PCDH9: variants seen among roughly 807,000 people sequenced by gnomAD.
PCDH9 encodes the protein protocadherin 9, also known as protocadherin-9.
In PCDH9, 24 loss-of-function variants were observed where a neutral mutation model predicts 70.6. The observed-to-expected ratio is 0.34, with a 90% CI of 0.25 to 0.48. The LOEUF (loss-of-function observed/expected upper bound fraction) is 0.48. Among genes scored for constraint, PCDH9 ranks in the 20% least tolerant of loss-of-function variants. The probability of loss-of-function intolerance (pLI) is 0.99; values close to 1 mark genes in which losing one functional copy is unlikely to be tolerated. For missense variants in PCDH9, 1,281 were observed against 1,503.6 expected (o/e 0.85, Z 2.45); for synonymous variants, 562 against 558.5 (o/e 1.01, Z -0.09).
chr13:66,945,591 T>C (rs2083075378), intron 2 of PCDH9, among the ~76,000 whole-genome samples: 1 of 152,192 alleles, frequency 6.6e-6, no homozygotes, highest in Admixed American at 6.6e-5. Flanking sequence ...AATGTAACCA[T>C]GTTCTATGTA....
intron 4 of PCDH9, among the ~76,000 whole-genome samples, chr13:66,425,832 T>C (rs897588038): frequency 4.6e-5 from 7 of 151,688 alleles, no homozygotes; most frequent in South Asian, 2.1e-4. Flanking sequence ...GTTTACCAGA[T>C]TGGGGACAAA....
intron 3 of PCDH9, among the ~76,000 whole-genome samples, chr13:66,652,610 C>T (rs1442168873): frequency 2.0e-5 from 3 of 151,486 alleles, no homozygotes; most frequent in Non-Finnish European, 4.4e-5. Flanking sequence ...CAATGATATT[C>T]TTCACAAAAA....
At chr13:66,715,839 A>G (rs1315388302) in intron 3 of PCDH9, among the ~76,000 whole-genome samples, 1 of 152,244 alleles carries the variant, frequency 6.6e-6, no homozygotes, top group Non-Finnish European at 1.5e-5. Context: ...CTTAAAGAAA[A>G]GCTCAATTTC....
chr13:67,081,348 C>A lies in PCDH9; in HGVS notation c.3036+144057G>T, dbSNP rs143431619. Reference sequence around the variant, plus strand: ...CTTTGTGAGGCCCAGGCAGATGGATCACCTGAGGTCAAGAGCTCGAGACCA... The same window carrying A: ...CTTTGTGAGGCCCAGGCAGATGGATAACCTGAGGTCAAGAGCTCGAGACCA... On this transcript the variant is annotated intron_variant, in intron 2 of 4. Transcript: ENST00000377865. Among the ~76,000 whole-genome samples, 4 of 152,266 alleles carry A rather than the reference C, an allele frequency of 2.6e-5. No homozygotes were observed. In the East Asian group the frequency reaches 7.7e-4, roughly 29 times the overall value.
intron 2 of PCDH9, among the ~76,000 whole-genome samples, chr13:67,109,685 T>G (rs909392596): frequency 2.6e-5 from 4 of 152,184 alleles, no homozygotes; most frequent in Non-Finnish European, 4.4e-5. Flanking sequence ...TAAGACTAAA[T>G]CGATTTTCAA....
intron 2 of PCDH9, among the ~76,000 whole-genome samples, chr13:67,029,028 C>T (rs907499301): frequency 6.6e-6 from 1 of 152,044 alleles, no homozygotes; most frequent in African/African-American, 2.4e-5. Flanking sequence ...ATTTCCCTAA[C>T]TTTATTTAAT....
chr13:66,532,055 C>G (rs1187500876), intron 4 of PCDH9, among the ~76,000 whole-genome samples: 1 of 152,122 alleles, frequency 6.6e-6, no homozygotes, highest in Non-Finnish European at 1.5e-5. Context: ...GGCACAAGCA[C>G]AGCTCATGGC....
At chr13:67,167,945 A>C (rs2138435647) in intron 2 of PCDH9, among the ~76,000 whole-genome samples, 1 of 152,338 alleles carries the variant, frequency 6.6e-6, no homozygotes, top group East Asian at 1.9e-4. Context: ...AGGGAAAAGG[A>C]AACAGAACTG....
intron 2 of PCDH9, among the ~76,000 whole-genome samples, chr13:66,918,795 G>T (rs981490009): frequency 7.3e-5 from 11 of 151,074 alleles, no homozygotes; most frequent in Non-Finnish European, 1.3e-4. Flanking sequence ...GATATTTTTT[G>T]ATCATGGCAA....
At chr13:66,516,840 C>G (rs1328585272) in intron 4 of PCDH9, among the ~76,000 whole-genome samples, 1 of 152,012 alleles carries the variant, frequency 6.6e-6, no homozygotes, top group East Asian at 1.9e-4. Context: ...ACCTTTAGAA[C>G]CTATCTCAAT....
intron 4 of PCDH9, among the ~76,000 whole-genome samples, chr13:66,339,346 T>C (rs567495420): frequency 9.9e-5 from 15 of 152,162 alleles, no homozygotes; most frequent in Non-Finnish European, 1.8e-4. Flanking sequence ...CCCTTTCTCT[T>C]CTCAGCATAA....
intron 4 of PCDH9, among the ~76,000 whole-genome samples, chr13:66,356,811 G>A (rs1414249373): frequency 1.3e-5 from 2 of 151,926 alleles, no homozygotes; most frequent in South Asian, 2.1e-4. Flanking sequence ...CTTTTTGCAT[G>A]AATTAATATC....
chr13:66,487,631 T>C (rs1043573170), intron 4 of PCDH9, among the ~76,000 whole-genome samples: 1 of 152,130 alleles, frequency 6.6e-6, no homozygotes, highest in Non-Finnish European at 1.5e-5. Flanking sequence ...TCTTTAAACG[T>C]TGTAAAATGA....
At chr13:66,909,324 T>C (rs908114640) in intron 2 of PCDH9, among the ~76,000 whole-genome samples, 16 of 152,062 alleles carry the variant, frequency 1.1e-4, no homozygotes, top group African/African-American at 3.9e-4. Flanking sequence ...AAATATCCCA[T>C]GTTCATAGAT....
chr13:66,403,917 A>G (rs925826641), intron 4 of PCDH9, among the ~76,000 whole-genome samples: 7 of 152,218 alleles, frequency 4.6e-5, no homozygotes, highest in African/African-American at 1.7e-4. Flanking sequence ...TGAATAGTCC[A>G]CAGTTGCTGG....
intron 2 of PCDH9, among the ~76,000 whole-genome samples, chr13:67,043,164 T>C (rs2085155760): frequency 6.6e-6 from 1 of 152,188 alleles, no homozygotes; most frequent in Non-Finnish European, 1.5e-5. Flanking sequence ...GGATAAGAAA[T>C]TGCTTACAAA....
At chr13:66,721,026 AT>A (rs1427306401) in intron 3 of PCDH9, among the ~76,000 whole-genome samples, 4 of 152,224 alleles carry the variant, frequency 2.6e-5, no homozygotes, top group Non-Finnish European at 5.9e-5. Context: ...CACGTAAAAA[AT>A]AATTCATTTA....
chr13:66,564,865 G>GT (rs11446994), intron 4 of PCDH9, among the ~76,000 whole-genome samples: 66,087 of 147,124 alleles, frequency 0.45, 14,692 homozygotes, highest in Middle Eastern at 0.52. Context: ...ATAATGTAGG[G>GT]TTTTTTTTTT....
intron 3 of PCDH9, among the ~76,000 whole-genome samples, chr13:66,874,504 T>G (rs2081760625): frequency 1.3e-5 from 2 of 152,286 alleles, no homozygotes; most frequent in South Asian, 4.1e-4. Flanking sequence ...CAGTCAGTCA[T>G]TAATTAAAAT....
Sources: gnomAD v4.1 joint callset for allele counts (sites outside exome capture counted in the v4.1 genomes callset) on GRCh38, gnomAD v4.1.1 for gene constraint, MANE v1.5 for transcripts, NCBI Gene and HGNC (gene_info 2026-07-23, HGNC 2026-07-21) for gene names.